The following LSAMP variants were observed in gnomAD, a reference collection of about 807,000 sequenced individuals.
LSAMP encodes the protein limbic system associated membrane protein.
Under a neutral mutation model 38.6 loss-of-function variants are expected in LSAMP, and 7 were observed. The observed-to-expected ratio is 0.18, with a 90% CI of 0.10 to 0.34. LSAMP has a LOEUF of 0.34. LSAMP is among the 10% of genes least tolerant of loss of function. The pLI is 1.00. For missense variants in LSAMP, 313 were observed against 420.0 expected (o/e 0.75, Z 2.23); for synonymous variants, 154 against 166.8 (o/e 0.92, Z 0.59).
chr3:115,881,241 A>T (rs1430228505), intron 3 of LSAMP, among the ~76,000 whole-genome samples: 1 of 152,082 alleles, frequency 6.6e-6, no homozygotes, highest in East Asian at 1.9e-4. Context: ...GAAAAGTGTT[A>T]TGCACATAAC....
At chr3:115,928,971 TTG>T (rs1937532842) in intron 3 of LSAMP, among the ~76,000 whole-genome samples, 1 of 74,228 alleles carries the variant, frequency 1.3e-5, no homozygotes, top group African/African-American at 4.0e-5. Flanking sequence ...GGTTTTTTGT[TTG>T]TTTTTTTTTT....
intron 3 of LSAMP, among the ~76,000 whole-genome samples, chr3:115,997,511 TTAA>T (rs1939847589): frequency 6.6e-6 from 1 of 151,456 alleles, no homozygotes; most frequent in African/African-American, 2.4e-5. Flanking sequence ...AACTGAGGCC[TTAA>T]TGATGAAAAG....
chr3:115,997,687 CA>C (rs1479905171), intron 3 of LSAMP, among the ~76,000 whole-genome samples: 136 of 128,818 alleles, frequency 1.1e-3, no homozygotes, highest in Non-Finnish European at 1.4e-3. Context: ...TGGGGTTTCT[CA>C]AGAGGGAAAC....
intron 2 of LSAMP, among the ~76,000 whole-genome samples, chr3:116,072,860 G>GTTTACTC (rs1316130740): frequency 6.1e-5 from 9 of 147,538 alleles, no homozygotes; most frequent in Non-Finnish European, 1.3e-4. Flanking sequence ...TAGATTGTCT[G>GTTTACTC]TTTACTCTGA....
At chr3:116,432,079 A>T (rs952094430) in intron 1 of LSAMP, among the ~76,000 whole-genome samples, 17 of 152,132 alleles carry the variant, frequency 1.1e-4, no homozygotes, top group African/African-American at 3.4e-4. Context: ...TTAATTAAAA[A>T]TAAAACATAC....
intron 1 of LSAMP, among the ~76,000 whole-genome samples, chr3:116,191,519 C>A (rs1406413290): frequency 2.6e-5 from 4 of 152,058 alleles, no homozygotes; most frequent in Non-Finnish European, 2.9e-5. Context: ...GGTTAAGAAC[C>A]TTTCAGGGCA....
At chr3:115,841,015 C>T (rs1576134230) in intron 6 of LSAMP, among the ~76,000 whole-genome samples, 1 of 152,326 alleles carries the variant, frequency 6.6e-6, no homozygotes. Flanking sequence ...CATTTAGCAT[C>T]CTTCTGTTTC....
intron 3 of LSAMP, among the ~76,000 whole-genome samples, chr3:115,929,513 C>G (rs981173908): frequency 3.9e-5 from 6 of 152,032 alleles, no homozygotes; most frequent in Non-Finnish European, 7.4e-5. Flanking sequence ...AGACAAAAAA[C>G]TTTCTTGATC....
At chr3:116,213,362 C>T (rs1322086989) in intron 1 of LSAMP, among the ~76,000 whole-genome samples, 3 of 152,076 alleles carry the variant, frequency 2.0e-5, no homozygotes, top group African/African-American at 7.2e-5. Context: ...AGAGGAGTTC[C>T]CCTGCACAAG....
chr3:116,278,154 G>A (rs562261014), intron 1 of LSAMP, among the ~76,000 whole-genome samples: 1 of 152,260 alleles, frequency 6.6e-6, no homozygotes, highest in South Asian at 2.1e-4. Flanking sequence ...CAACCCTTCT[G>A]TGTGCTGATT....
At chr3:116,256,781 T>C (rs1044608889) in intron 1 of LSAMP, among the ~76,000 whole-genome samples, 2 of 132,132 alleles carry the variant, frequency 1.5e-5, no homozygotes, top group Non-Finnish European at 3.3e-5. Flanking sequence ...CCTATCACTG[T>C]CTCCACTCCA....
chr3:115,912,488 G>A (rs187948272), intron 3 of LSAMP, among the ~76,000 whole-genome samples: 2 of 152,302 alleles, frequency 1.3e-5, no homozygotes, highest in African/African-American at 4.8e-5. Context: ...GAAACCCAGA[G>A]TGAGAGGTGG....
At chr3:116,383,125 G>A (rs2048583359) in intron 1 of LSAMP, among the ~76,000 whole-genome samples, 1 of 152,058 alleles carries the variant, frequency 6.6e-6, no homozygotes, top group African/African-American at 2.4e-5. Flanking sequence ...TATTATTGAA[G>A]AGATTATAAA....
intron 1 of LSAMP, among the ~76,000 whole-genome samples, chr3:116,291,426 C>G (rs561788201): frequency 6.6e-6 from 1 of 152,298 alleles, no homozygotes; most frequent in African/African-American, 2.4e-5. Context: ...GGGCAAGACG[C>G]TTAACCTCCG....
intron 1 of LSAMP, among the ~76,000 whole-genome samples, chr3:116,400,436 C>CTCCA (rs1553731628): frequency 6.8e-6 from 1 of 147,452 alleles, no homozygotes; most frequent in African/African-American, 2.5e-5. Flanking sequence ...CCCTCCCTCC[C>CTCCA]TCCTTCCTTC....
intron 1 of LSAMP, among the ~76,000 whole-genome samples, chr3:116,146,536 T>C (rs1042849632): frequency 1.3e-5 from 2 of 152,002 alleles, no homozygotes; most frequent in African/African-American, 4.8e-5. Flanking sequence ...AGTGCCTCTT[T>C]GAGAGCAGAG....
intron 1 of LSAMP, among the ~76,000 whole-genome samples, chr3:116,184,798 A>G (rs1710572350): frequency 6.6e-6 from 1 of 151,420 alleles, no homozygotes; most frequent in South Asian, 2.1e-4. Context: ...TTGCTGGTTG[A>G]TTTTTCCTAG....
At chr3:115,855,411 C>T (rs1240866658) in intron 3 of LSAMP, among the ~76,000 whole-genome samples, 1 of 152,144 alleles carries the variant, frequency 6.6e-6, no homozygotes, top group African/African-American at 2.4e-5. Context: ...AACTTTCAAT[C>T]TCATGTCTCT....
intron 1 of LSAMP, among the ~76,000 whole-genome samples, chr3:116,353,605 C>G (rs992235965): frequency 6.6e-6 from 1 of 151,958 alleles, no homozygotes; most frequent in Admixed American, 6.6e-5. Flanking sequence ...ACATATGAAT[C>G]TTCAAAATTA....
Sources: gnomAD v4.1 joint callset for allele counts (sites outside exome capture counted in the v4.1 genomes callset) on GRCh38, gnomAD v4.1.1 for gene constraint, MANE v1.5 for transcripts, NCBI Gene and HGNC (gene_info 2026-07-23, HGNC 2026-07-21) for gene names.